KLF16: variants seen among roughly 807,000 people sequenced by gnomAD.
KLF16 encodes KLF transcription factor 16.
A neutral mutation model predicts 6.1 loss-of-function variants in KLF16; 6 were observed. That is an observed-to-expected ratio of 0.98 (90% CI 0.54 to 1.93). KLF16 has a LOEUF of 1.93. Ranked by LOEUF, KLF16 falls within the 30% of genes most tolerant of loss-of-function variation. KLF16 has a pLI of 0.01. For missense variants in KLF16, 355 were observed against 363.8 expected, an observed-to-expected ratio of 0.98 and a Z score of 0.20; for synonymous variants, 211 against 176.5, an observed-to-expected ratio of 1.20 and a Z score of -1.55.
At position 1,857,107 on chromosome 19, in the gene KLF16, C is replaced by T. The variant is rs1412136132; in HGVS notation, c.458-2347G>A. Among the ~76,000 whole-genome samples, 1 of 152,076 alleles carries T rather than the reference C, an allele frequency of 6.6e-6. No homozygotes were observed. Among genetic ancestry groups the T allele is most frequent in the South Asian group, 2.1e-4 (1 of 4,824 alleles). On this transcript the variant is annotated intron_variant, in intron 1 of 1. Coordinates refer to ENST00000250916, the MANE Select transcript of KLF16 (RefSeq NM_031918.4). This position sits in a 1 kb window ranked among gnomAD's most constrained non-coding sequence, Gnocchi z 4.7. ...GGCCAGGGGGCCCGGGCCAGGGTCG[C>T]CTCTCCGGCCTGGGTGCCTGCCAGC...
chr19:1,865,839 C>T (rs935947262), upstream of KLF16, among the ~76,000 whole-genome samples: 3 of 152,266 alleles, frequency 2.0e-5, no homozygotes, highest in East Asian at 5.8e-4. Context: ...CGGCACAGGG[C>T]TCTGTCCTCT....
At chr19:1,872,234 G>A in the KLF16 span, among the ~76,000 whole-genome samples, 8 of 152,138 alleles carry the variant, frequency 5.3e-5, no homozygotes, top group East Asian at 1.9e-4. Context: ...GGGTTCAAGC[G>A]ATTCTCCTGC....
At chr19:1,865,204 G>C (rs115721909), upstream of KLF16, among the ~76,000 whole-genome samples, 1,369 of 152,330 alleles carry the variant, frequency 9.0e-3, 20 homozygotes, top group African/African-American at 0.032. Flanking sequence ...GAGGGTACAG[G>C]GTGCCCTGCA....
At position 1,857,993 on chromosome 19, in the gene KLF16, C is replaced by G. The variant is rs1031010815; in HGVS notation, c.458-3233G>C. 6.6e-6 allele frequency among the ~76,000 whole-genome samples: 1 copy of G among 151,998 alleles called. No homozygotes were observed. The highest frequency in any genetic ancestry group is 1.5e-5 in the Non-Finnish European group (1 of 67,980). On this transcript the variant is annotated intron_variant, in intron 1 of 1. Transcript: ENST00000250916. The surrounding 1 kb of genome is among the most constrained non-coding windows in gnomAD (Gnocchi z 4.7). ...TCGAATACTACTGGGCCATAGCAAC[C>G]CCCACACCCACTCTGCCCCTAGCTC...
intron 1 of KLF16, 34 bp from the exon 2 acceptor site, chr19:1,854,794 G>C: frequency 6.3e-7 from 1 of 1,592,260 alleles, no homozygotes; most frequent in Non-Finnish European, 8.5e-7. Flanking sequence ...CAGCGGGTCA[G>C]CGGGGGCGGG....
chr19:1,869,312 A>G, the KLF16 span, among the ~76,000 whole-genome samples: 1 of 152,142 alleles, frequency 6.6e-6, no homozygotes, highest in Non-Finnish European at 1.5e-5. Flanking sequence ...CCCCATCTCT[A>G]CTAAAAACAC....
intron 1 of KLF16, among the ~76,000 whole-genome samples, chr19:1,862,278 G>C (rs1375485521): frequency 6.6e-6 from 1 of 152,158 alleles, no homozygotes; most frequent in African/African-American, 2.4e-5. Flanking sequence ...CGCCGCCCCG[G>C]GGACTGCGCT....
Position 1,854,215 on chromosome 19 carries a change from T to G in KLF16, c.*244A>C. ...CCCTGGGGGGGCCCCGTTGCACAGA[T>G]GGGAAGAAAGTTAGTATCATGGCTA... is the stretch of plus-strand genomic sequence containing the variant. On this transcript the variant is annotated 3_prime_UTR_variant, in exon 2 of 2. Transcript: ENST00000250916. 24 of 429,662 alleles carry G rather than the reference T, an allele frequency of 5.6e-5. No homozygotes were observed. Among genetic ancestry groups the G allele is most frequent in the South Asian group, 1.3e-4 (2 of 15,042 alleles). 26.6% of individuals were successfully genotyped at this position (429,662 alleles called of 1,614,324 possible).
rs1374861335 is a variant in KLF16 at position 1,854,289 on chromosome 19, T to C, written c.*170A>G. ...CCCATCCTGAGAGCCACCTCTGAGG[T>C]CAGGCAGACCCAGGTCCAGTCTCAG... On this transcript the variant is annotated 3_prime_UTR_variant, in exon 2 of 2. Coordinates refer to ENST00000250916, the MANE Select transcript of KLF16 (RefSeq NM_031918.4). 1 of 749,342 alleles carries C rather than the reference T, an allele frequency of 1.3e-6. No homozygotes were observed. The highest frequency in any genetic ancestry group is 4.3e-5 in the Admixed American group (1 of 23,482). The allele number at this position is 749,342 out of a possible 1,614,324, so 46.4% of individuals were successfully genotyped here.
At chr19:1,872,280 G>A in the KLF16 span, among the ~76,000 whole-genome samples, 3 of 152,254 alleles carry the variant, frequency 2.0e-5, no homozygotes, top group South Asian at 2.1e-4. Context: ...ACAGGCGCCC[G>A]CCACCATGCC....
upstream of KLF16, among the ~76,000 whole-genome samples, chr19:1,863,979 CCCT>C (rs1462758132): frequency 2.1e-5 from 3 of 146,226 alleles, no homozygotes; most frequent in Non-Finnish European, 4.6e-5. Context: ...GAGCACCACC[CCCT>C]CAAGCCGGGG....
chr19:1,858,946 TA>T (rs1229285987), intron 1 of KLF16, among the ~76,000 whole-genome samples: 1 of 152,006 alleles, frequency 6.6e-6, no homozygotes, highest in African/African-American at 2.4e-5. Context: ...TGGGGGTGGT[TA>T]TCGCCCCCCA....
At chr19:1,873,410 G>A in the KLF16 span, among the ~76,000 whole-genome samples, 2,151 of 152,300 alleles carry the variant, frequency 0.014, 54 homozygotes, top group African/African-American at 0.049. Context: ...CCATGCTCCA[G>A]CCACTGGCCC....
chr19:1,862,445 CAG>C (rs1468929746), intron 1 of KLF16, among the ~76,000 whole-genome samples: 2 of 152,018 alleles, frequency 1.3e-5, no homozygotes, highest in Non-Finnish European at 2.9e-5. Context: ...CGCCCAGACT[CAG>C]GCCCCAACCC....
At chr19:1,861,181 C>T (rs571387419) in intron 1 of KLF16, among the ~76,000 whole-genome samples, 1 of 152,302 alleles carries the variant, frequency 6.6e-6, no homozygotes, top group African/African-American at 2.4e-5. Flanking sequence ...CCCCAATACC[C>T]GGGGGCCTAT....
At chr19:1,858,956 C>G (rs1397753685) in intron 1 of KLF16, among the ~76,000 whole-genome samples, 3 of 152,132 alleles carry the variant, frequency 2.0e-5, no homozygotes, top group Non-Finnish European at 4.4e-5. Context: ...TATCGCCCCC[C>G]ACAACCCTGG....
Position 1,857,015 on chromosome 19 carries a change from T to TCGG in KLF16, c.458-2258_458-2256dup, listed in dbSNP as rs376550665. On this transcript the variant is annotated intron_variant, in intron 1 of 1. Coordinates refer to ENST00000250916, the MANE Select transcript of KLF16 (RefSeq NM_031918.4). The surrounding 1 kb of genome is among the most constrained non-coding windows in gnomAD (Gnocchi z 4.7). ...TGGGAACACAGCTGCCGCACGTAGC[T>TCGG]CGGCGGCGGCGGCGGGGACATCCGC... 8.9e-4 allele frequency among the ~76,000 whole-genome samples: 124 copies of TCGG among 139,062 alleles called. No homozygotes were observed. Among genetic ancestry groups the TCGG allele is most frequent in the African/African-American group, 2.2e-3 (78 of 34,712 alleles). 91.2% of individuals were successfully genotyped at this position (139,062 alleles called of 152,430 possible). A position where few individuals can be genotyped will look rare whatever the true frequency, so the allele number is the denominator to read the frequency against.
At chr19:1,865,148 G>A (rs1188171183), upstream of KLF16, among the ~76,000 whole-genome samples, 2 of 152,218 alleles carry the variant, frequency 1.3e-5, no homozygotes, top group Non-Finnish European at 2.9e-5. Flanking sequence ...ACTCTACGTG[G>A]CTGGACAGAG....
At position 1,852,404 on chromosome 19, in the gene KLF16, T is replaced by G. The variant is rs1451027535; in HGVS notation, c.*2055A>C. On this transcript the variant is annotated 3_prime_UTR_variant, in exon 2 of 2. Coordinates refer to ENST00000250916, the MANE Select transcript of KLF16 (RefSeq NM_031918.4). The stretch of plus-strand genomic sequence containing the variant: ...AGACCACACACACGCTGGAGTAGGG[T>G]TTAAAAAGGGGCTTGTTTAATTAAT... 3 of 151,606 alleles carry G rather than the reference T, an allele frequency of 2.0e-5. No individual in the cohort carries two copies. Among genetic ancestry groups the G allele is most frequent in the African/African-American group, 7.3e-5 (3 of 41,188 alleles). The allele number at this position is 151,606 out of a possible 1,614,324, so 9.4% of individuals were successfully genotyped here. A position where few individuals can be genotyped will look rare whatever the true frequency, so the allele number is the denominator to read the frequency against.
Sources: gnomAD v4.1 joint callset for allele counts (sites outside exome capture counted in the v4.1 genomes callset) on GRCh38, gnomAD v4.1.1 for gene constraint, Gnocchi (gnomAD v3.1) non-coding constraint, MANE v1.5 for transcripts, NCBI Gene and HGNC (gene_info 2026-07-23, HGNC 2026-07-21) for gene names.